Variants in WDFY3 observed in about 807,000 individuals in gnomAD.
WDFY3 encodes WD repeat and FYVE domain-containing protein 3.
A neutral mutation model predicts 409.6 loss-of-function variants in WDFY3; 66 were observed. The ratio of observed to expected loss-of-function variants is 0.16; its 90% CI spans 0.13 to 0.20. WDFY3 has a LOEUF of 0.20. Ranked by LOEUF, WDFY3 falls within the 10% of genes least tolerant of loss-of-function variation. WDFY3 has a pLI of 1.00. For synonymous variants in WDFY3, 1,521 were observed against 1,537.1 expected (o/e 0.99, Z 0.25); for missense variants, 3,031 against 4,298.1 (o/e 0.71, Z 8.24).
At chr4:84,687,810 A>ACCAAC in intron 62 of WDFY3, 1 of 284,996 alleles carries the variant, frequency 3.5e-6, no homozygotes. Flanking sequence ...GGGAATTTTG[A>ACCAAC]TCTGCTCCAT....
At chr4:84,926,512 T>C (rs1438433146) in intron 2 of WDFY3, among the ~76,000 whole-genome samples, 2 of 152,216 alleles carry the variant, frequency 1.3e-5, no homozygotes. Flanking sequence ...GTATCTTTAC[T>C]CATTTACATT....
At chr4:84,715,460 T>C (rs1241808622) in intron 49 of WDFY3, 77 bp from the exon 50 acceptor site, 1 of 895,032 alleles carries the variant, frequency 1.1e-6, no homozygotes, top group Non-Finnish European at 1.8e-6. Flanking sequence ...TTTTCCACTA[T>C]AAATTTCTAC....
chr4:84,789,669 AC>A, intron 22 of WDFY3, 56 bp downstream of exon 22: 1 of 1,056,966 alleles, frequency 9.5e-7, no homozygotes, highest in Non-Finnish European at 1.3e-6. Context: ...ACACACACAC[AC>A]CCCCCAAACT....
At chr4:84,847,651 G>A (rs549779150) in intron 5 of WDFY3, among the ~76,000 whole-genome samples, 2 of 147,900 alleles carry the variant, frequency 1.4e-5, no homozygotes, top group South Asian at 4.3e-4. Context: ...GCACGTGCCT[G>A]TAGTCCCAGC....
At chr4:84,697,918 T>C (rs1390830446) in intron 56 of WDFY3, among the ~76,000 whole-genome samples, 2 of 152,226 alleles carry the variant, frequency 1.3e-5, no homozygotes, top group Non-Finnish European at 2.9e-5. Flanking sequence ...TTATTTACAA[T>C]GTGATATCGA....
intron 58 of WDFY3, among the ~76,000 whole-genome samples, chr4:84,695,183 C>G (rs1379251497): frequency 6.6e-6 from 1 of 152,072 alleles, no homozygotes; most frequent in Admixed American, 6.6e-5. Context: ...GGGATGAGGT[C>G]TCTTCATGGA....
Position 84,831,624 on chromosome 4 carries a change from CA to C in WDFY3, c.577-20del. 3 of 1,590,120 alleles carry C rather than the reference CA, an allele frequency of 1.9e-6. No individual in the cohort carries two copies. Among genetic ancestry groups the C allele is most frequent in the Non-Finnish European group, 2.6e-6 (3 of 1,165,176 alleles). On this transcript the variant is annotated intron_variant, in intron 7 of 67. Transcript: ENST00000295888. ...CTAAGATCTAAAAAATAAAACAAAACAAAACAAGAGTGTATAAGCAAAAATC... is the reference window on the plus strand; with the variant it reads ...CTAAGATCTAAAAAATAAAACAAAACAAACAAGAGTGTATAAGCAAAAATC...
At chr4:84,778,685 G>A in intron 26 of WDFY3, 30 bp from the exon 27 acceptor site, 9 of 1,590,088 alleles carry the variant, frequency 5.7e-6, no homozygotes, top group Non-Finnish European at 6.8e-6. Flanking sequence ...AATGCCTGTT[G>A]ATAAATCATC....
rs140019647 is a variant in WDFY3 at position 84,778,534 on chromosome 4, G to A, written c.4487C>T (p.Thr1496Ile). Reference protein sequence around the residue: ...GHETSIIPNSTAFQDLLCDFE... With the variant: ...GHETSIIPNSIAFQDLLCDFE... ...ATCACAGAGGAGGTCCTGGAAAGCA[G>A]TTGAATTTGGAATAATGGAGGTCTC... Residue 1496 changes from threonine (T) to isoleucine (I), a missense_variant, in exon 27 of 68, where the codon ACT becomes ATT. Physicochemically the swap from Thr to Ile is moderately conservative, Grantham distance 89. Coordinates refer to ENST00000295888, the MANE Select transcript of WDFY3 (RefSeq NM_014991.6). 93 of 1,607,056 alleles carry A rather than the reference G, an allele frequency of 5.8e-5. No homozygotes were observed. In the African/African-American group the frequency reaches 1.1e-3, roughly 20 times the overall value.
chr4:84,849,488 G>A (rs376801231), intron 5 of WDFY3, among the ~76,000 whole-genome samples: 8 of 146,176 alleles, frequency 5.5e-5, no homozygotes, highest in African/African-American at 1.5e-4. Context: ...TAAAATAAGA[G>A]TATACACATG....
chr4:84,869,596 T>C (rs963695954), intron 3 of WDFY3, among the ~76,000 whole-genome samples: 1 of 152,104 alleles, frequency 6.6e-6, no homozygotes, highest in African/African-American at 2.4e-5. Flanking sequence ...AATACAATAT[T>C]AGTAGCAAAT....
intron 1 of WDFY3, among the ~76,000 whole-genome samples, chr4:84,941,017 T>C (rs1357693005): frequency 1.3e-5 from 2 of 152,034 alleles, no homozygotes; most frequent in African/African-American, 4.8e-5. Flanking sequence ...TGAAACTTAC[T>C]CAACCTGATA....
chr4:84,733,026 A>G (rs563844224), intron 44 of WDFY3, among the ~76,000 whole-genome samples: 2 of 152,308 alleles, frequency 1.3e-5, no homozygotes, highest in African/African-American at 4.8e-5. Context: ...AAATCCTCCT[A>G]ACAGTCCTAC....
At chr4:84,851,217 G>T (rs917207815) in intron 4 of WDFY3, among the ~76,000 whole-genome samples, 12 of 151,326 alleles carry the variant, frequency 7.9e-5, no homozygotes, top group African/African-American at 2.9e-4. Flanking sequence ...TATATCCTGA[G>T]GTATTATTTT....
intron 35 of WDFY3, 93 bp downstream of exon 35, chr4:84,753,604 A>G: frequency 7.3e-7 from 1 of 1,369,660 alleles, no homozygotes; most frequent in Non-Finnish European, 9.6e-7. Flanking sequence ...AACTTAAAAG[A>G]CTGTCAAAAA....
chr4:84,696,833 T>C lies in WDFY3; in HGVS notation c.8597-10A>G, dbSNP rs1730228541. The stretch of plus-strand genomic sequence containing the variant: ...CCATTTTGTTTACAGCCTATGCAAT[T>C]GGATACATTAAAAATAAAAAAAAAG... On this transcript the variant is annotated splice_polypyrimidine_tract_variant and intron_variant, in intron 56 of 67. Transcript: ENST00000295888. 6.2e-7 allele frequency: 1 copy of C among 1,607,314 alleles called. No homozygotes were observed. The highest frequency in any genetic ancestry group is 1.7e-5 in the Admixed American group (1 of 59,280).
chr4:84,713,694 A>T (rs1416770705), intron 50 of WDFY3, among the ~76,000 whole-genome samples: 1 of 152,220 alleles, frequency 6.6e-6, no homozygotes, highest in Non-Finnish European at 1.5e-5. Context: ...GATTGCCAGG[A>T]TCTGTATCAC....
At chr4:84,869,623 T>C (rs981898130) in intron 3 of WDFY3, among the ~76,000 whole-genome samples, 37 of 152,216 alleles carry the variant, frequency 2.4e-4, no homozygotes, top group African/African-American at 8.4e-4. Flanking sequence ...GGAATACTTA[T>C]ACTTTAGAGT....
intron 34 of WDFY3, 114 bp downstream of exon 34, chr4:84,755,152 C>A: frequency 6.9e-7 from 1 of 1,443,284 alleles, no homozygotes. Flanking sequence ...TCTGAAGTTC[C>A]AGAGATCATG....
Sources: gnomAD v4.1 joint callset for allele counts (sites outside exome capture counted in the v4.1 genomes callset) on GRCh38, gnomAD v4.1.1 for gene constraint, MANE v1.5 for transcripts, NCBI Gene and HGNC (gene_info 2026-07-23, HGNC 2026-07-21) for gene names.